Variants in EDIL3 observed in about 807,000 individuals in gnomAD.
EDIL3 encodes the protein EGF like and discoidin domains 3.
EDIL3 carries 37 observed loss-of-function variants against 67.4 expected under a neutral mutation model. That is an observed-to-expected ratio of 0.55 (90% CI 0.42 to 0.72). The LOEUF (loss-of-function observed/expected upper bound fraction) is 0.72, where lower values mean the gene tolerates loss of function less well. Among genes scored for constraint, EDIL3 ranks in the 30% least tolerant of loss-of-function variants. The pLI, the probability that EDIL3 is intolerant of heterozygous loss-of-function variation, is 0.00. For missense variants in EDIL3, 527 were observed against 586.3 expected, an observed-to-expected ratio of 0.90 and a Z score of 1.04; for synonymous variants, 195 against 196.3, an observed-to-expected ratio of 0.99 and a Z score of 0.05.
chr5:84,103,681 C>G (rs953004723), intron 6 of EDIL3, among the ~76,000 whole-genome samples: 1 of 151,980 alleles, frequency 6.6e-6, no homozygotes, highest in Non-Finnish European at 1.5e-5. Context: ...CATCTTACAA[C>G]AGTCAGAATG....
At chr5:84,201,205 A>C (rs1743824672) in intron 3 of EDIL3, among the ~76,000 whole-genome samples, 1 of 152,020 alleles carries the variant, frequency 6.6e-6, no homozygotes, top group African/African-American at 2.4e-5. Context: ...GGTATGATCC[A>C]GGGAAAGAAA....
intron 1 of EDIL3, among the ~76,000 whole-genome samples, chr5:84,332,589 C>T: frequency 6.6e-6 from 1 of 152,208 alleles, no homozygotes; most frequent in Admixed American, 6.5e-5. Context: ...AGGATCTTAA[C>T]TAGTAGAGAC....
At chr5:84,098,852 A>G (rs185823474) in intron 6 of EDIL3, among the ~76,000 whole-genome samples, 33 of 152,272 alleles carry the variant, frequency 2.2e-4, no homozygotes, top group Admixed American at 2.2e-3. Flanking sequence ...TAAAAGAACT[A>G]GGGAACCAAG....
At chr5:84,298,709 T>C (rs1746097544) in intron 1 of EDIL3, among the ~76,000 whole-genome samples, 1 of 152,196 alleles carries the variant, frequency 6.6e-6, no homozygotes, top group Non-Finnish European at 1.5e-5. Context: ...GGGAAACTGC[T>C]CTTGCCAAAA....
At chr5:83,972,478 A>C (rs1426674664) in intron 9 of EDIL3, among the ~76,000 whole-genome samples, 1 of 152,096 alleles carries the variant, frequency 6.6e-6, no homozygotes, top group Non-Finnish European at 1.5e-5. Context: ...GATGATGGGA[A>C]GGGAATGAAA....
intron 6 of EDIL3, among the ~76,000 whole-genome samples, chr5:84,091,530 A>G (rs1747166089): frequency 1.3e-5 from 2 of 152,254 alleles, no homozygotes; most frequent in South Asian, 4.1e-4. Flanking sequence ...TAAACCTTTC[A>G]GAATCAGACC....
At chr5:83,978,046 T>TG (rs538438220) in intron 9 of EDIL3, among the ~76,000 whole-genome samples, 14 of 151,838 alleles carry the variant, frequency 9.2e-5, no homozygotes, top group Middle Eastern at 3.4e-3. Flanking sequence ...AGAAAAGAAA[T>TG]AAGCATATAA....
At position 84,180,533 on chromosome 5, in the gene EDIL3, A is replaced by G; in HGVS notation, c.227-12T>C. On this transcript the variant is annotated splice_polypyrimidine_tract_variant and intron_variant, in intron 3 of 10. Transcript: ENST00000296591. ...AGGAGTGCAGGGACCTGAAAGACAG[A>G]AAAAAATATTTCTGCTTGATGCATA... is the stretch of plus-strand genomic sequence containing the variant. 1 of 1,554,038 alleles carries G rather than the reference A, an allele frequency of 6.4e-7. No individual in the cohort carries two copies. The highest frequency in any genetic ancestry group is 8.6e-7 in the Non-Finnish European group (1 of 1,156,284).
intron 9 of EDIL3, among the ~76,000 whole-genome samples, chr5:84,050,566 A>G (rs1252983530): frequency 6.6e-6 from 1 of 152,220 alleles, no homozygotes; most frequent in African/African-American, 2.4e-5. Context: ...TTTCATAGCC[A>G]AGCAAAGCTG....
At chr5:84,278,938 A>C (rs775560279) in intron 1 of EDIL3, among the ~76,000 whole-genome samples, 1 of 152,152 alleles carries the variant, frequency 6.6e-6, no homozygotes, top group Admixed American at 6.6e-5. Flanking sequence ...TTTAGGAGCC[A>C]TATCAATATT....
At chr5:83,983,365 C>T (rs536724575) in intron 9 of EDIL3, among the ~76,000 whole-genome samples, 58 of 152,026 alleles carry the variant, frequency 3.8e-4, no homozygotes, top group Admixed American at 5.9e-4. Context: ...GATAGGTCGA[C>T]GGATGAAATG....
chr5:84,293,124 G>C (rs774356073), intron 1 of EDIL3, among the ~76,000 whole-genome samples: 1 of 152,138 alleles, frequency 6.6e-6, no homozygotes, highest in Non-Finnish European at 1.5e-5. Flanking sequence ...CCTTCTAGGT[G>C]CAAGAGCCCT....
At chr5:84,299,031 C>T (rs983194231) in intron 1 of EDIL3, among the ~76,000 whole-genome samples, 3 of 152,148 alleles carry the variant, frequency 2.0e-5, no homozygotes, top group African/African-American at 7.2e-5. Context: ...CCATAACCCG[C>T]AGCTAAAACT....
intron 6 of EDIL3, among the ~76,000 whole-genome samples, chr5:84,077,157 G>A (rs1379023495): frequency 6.6e-6 from 1 of 152,152 alleles, no homozygotes; most frequent in African/African-American, 2.4e-5. Flanking sequence ...TGATGCTATC[G>A]TCATGATTTG....
chr5:84,225,152 G>A lies in EDIL3; in HGVS notation c.226+4703C>T, dbSNP rs576833639. On this transcript the variant is annotated intron_variant, in intron 3 of 10. Transcript: ENST00000296591. Reference sequence around the variant, plus strand: ...GATGTTATGAAATATGGTCTTTTAGGCTAATACATCCTACCAGAACATTCA... The same window carrying A: ...GATGTTATGAAATATGGTCTTTTAGACTAATACATCCTACCAGAACATTCA... 2.0e-5 allele frequency among the ~76,000 whole-genome samples: 3 copies of A among 151,612 alleles called. No homozygotes were observed. In the South Asian group the frequency reaches 6.2e-4, roughly 31 times the overall value.
chr5:84,082,338 A>G (rs540627392), intron 6 of EDIL3, among the ~76,000 whole-genome samples: 1 of 152,366 alleles, frequency 6.6e-6, no homozygotes, highest in African/African-American at 2.4e-5. Flanking sequence ...TCTGGGAAAC[A>G]GAAAACTGTG....
At chr5:84,137,963 T>C (rs1008024215) in intron 4 of EDIL3, among the ~76,000 whole-genome samples, 2 of 152,238 alleles carry the variant, frequency 1.3e-5, no homozygotes, top group African/African-American at 4.8e-5. Flanking sequence ...TTACCTTTGA[T>C]ATACTACTAT....
chr5:84,032,280 C>T (rs928660259), intron 9 of EDIL3, among the ~76,000 whole-genome samples: 25 of 152,252 alleles, frequency 1.6e-4, no homozygotes, highest in Admixed American at 1.3e-3. Context: ...AAAATCCAAA[C>T]AGCTAAATCA....
At chr5:84,112,981 GA>G (rs2112289893) in intron 5 of EDIL3, among the ~76,000 whole-genome samples, 1 of 152,102 alleles carries the variant, frequency 6.6e-6, no homozygotes, top group African/African-American at 2.4e-5. Context: ...CACAGATATA[GA>G]GGCCTTCTTT....
Sources: gnomAD v4.1 joint callset for allele counts (sites outside exome capture counted in the v4.1 genomes callset) on GRCh38, gnomAD v4.1.1 for gene constraint, MANE v1.5 for transcripts, NCBI Gene and HGNC (gene_info 2026-07-23, HGNC 2026-07-21) for gene names.